Variants in RYR2 observed in about 807,000 individuals in gnomAD.
RYR2 encodes cardiac muscle ryanodine receptor-calcium release channel.
A neutral mutation model predicts 601.1 loss-of-function variants in RYR2; 227 were observed. That is an observed-to-expected ratio of 0.38 (90% CI 0.34 to 0.42). RYR2 has a LOEUF of 0.42. RYR2 is among the 10% of genes least tolerant of loss of function. The probability of loss-of-function intolerance (pLI) is 1.00; values close to 1 mark genes in which losing one functional copy is unlikely to be tolerated. For missense variants in RYR2, 4,646 were observed against 6,156.5 expected, an observed-to-expected ratio of 0.75 and a Z score of 8.21; for synonymous variants, 2,223 against 2,175.1, an observed-to-expected ratio of 1.02 and a Z score of -0.61.
chr1:237,061,994 A>G (rs1662953410), intron 1 of RYR2, among the ~76,000 whole-genome samples: 2 of 152,180 alleles, frequency 1.3e-5, no homozygotes, highest in Admixed American at 1.3e-4. Context: ...TTAAAAGGCT[A>G]CCTTTTCATC....
At chr1:237,445,580 ATATGCAAATAGACAATTTAAAAG>A in intron 14 of RYR2, 58 bp downstream of exon 14, 1 of 1,593,050 alleles carries the variant, frequency 6.3e-7, no homozygotes. Context: ...TCTTTATTGG[ATATGCAAATAGACAATTTAAAAG>A]TATGCTATGA....
At chr1:237,211,548 A>G (rs954893230) in intron 1 of RYR2, among the ~76,000 whole-genome samples, 7 of 152,270 alleles carry the variant, frequency 4.6e-5, no homozygotes, top group South Asian at 2.1e-4. Flanking sequence ...CTTTTCCTCT[A>G]TTTAGTCTAG....
chr1:237,129,516 G>C (rs1486970556), intron 1 of RYR2, among the ~76,000 whole-genome samples: 4 of 152,068 alleles, frequency 2.6e-5, no homozygotes, highest in Non-Finnish European at 5.9e-5. Flanking sequence ...AGTTCTAGAA[G>C]CAATTTTGAC....
chr1:237,696,290 A>C (rs1687424654), intron 63 of RYR2, among the ~76,000 whole-genome samples: 1 of 152,166 alleles, frequency 6.6e-6, no homozygotes, highest in Admixed American at 6.5e-5. Flanking sequence ...GGGGCTGATT[A>C]ATAGTGGCAT....
chr1:237,598,752 T>A (rs573640515), intron 34 of RYR2, among the ~76,000 whole-genome samples: 2 of 152,014 alleles, frequency 1.3e-5, no homozygotes, highest in South Asian at 4.1e-4. Context: ...AAACCACAAA[T>A]ACAAGAACAA....
chr1:237,594,821 A>G (rs1194511046), intron 33 of RYR2, among the ~76,000 whole-genome samples: 4 of 147,402 alleles, frequency 2.7e-5, no homozygotes, highest in African/African-American at 7.7e-5. Flanking sequence ...TAACTTTGTT[A>G]CCATCTCTAG....
At chr1:237,200,754 C>G (rs1380955588) in intron 1 of RYR2, among the ~76,000 whole-genome samples, 1 of 152,170 alleles carries the variant, frequency 6.6e-6, no homozygotes, top group South Asian at 2.1e-4. Flanking sequence ...CCACAGAAAA[C>G]AGCATAGTAC....
chr1:237,568,714 T>C (rs998009671), intron 28 of RYR2, among the ~76,000 whole-genome samples: 2 of 152,210 alleles, frequency 1.3e-5, no homozygotes, highest in African/African-American at 4.8e-5. Flanking sequence ...TCATTTTCAA[T>C]GACAGATGCC....
intron 1 of RYR2, among the ~76,000 whole-genome samples, chr1:237,072,808 C>T (rs752634079): frequency 3.3e-5 from 5 of 151,922 alleles, no homozygotes; most frequent in Admixed American, 1.3e-4. Context: ...ATTACCCAGG[C>T]GTGGTGGCAG....
intron 1 of RYR2, among the ~76,000 whole-genome samples, chr1:237,259,723 G>C (rs903228929): frequency 6.6e-6 from 1 of 152,054 alleles, no homozygotes; most frequent in Non-Finnish European, 1.5e-5. Flanking sequence ...GGGGGAATTC[G>C]TTCTCTTCTT....
At chr1:237,212,790 T>TTAC (rs1682734843) in intron 1 of RYR2, among the ~76,000 whole-genome samples, 1 of 152,156 alleles carries the variant, frequency 6.6e-6, no homozygotes, top group South Asian at 2.1e-4. Context: ...ATTATTATTA[T>TTAC]TTGAGACGAA....
chr1:237,679,936 G>A (rs750597014), intron 61 of RYR2, among the ~76,000 whole-genome samples: 8 of 152,172 alleles, frequency 5.3e-5, no homozygotes, highest in South Asian at 2.1e-4. Flanking sequence ...TGAAACATGC[G>A]TAGAAATGGA....
intron 66 of RYR2, among the ~76,000 whole-genome samples, chr1:237,704,246 G>A (rs1337519297): frequency 6.6e-6 from 1 of 152,166 alleles, no homozygotes; most frequent in East Asian, 1.9e-4. Context: ...AGAATGTCTA[G>A]AATGATCATC....
chr1:237,414,981 G>A (rs1474688312), intron 10 of RYR2, among the ~76,000 whole-genome samples: 1 of 85,328 alleles, frequency 1.2e-5, no homozygotes, highest in African/African-American at 3.8e-5. Flanking sequence ...AGGGACATCT[G>A]ACAATGTTGG....
At chr1:237,715,782 G>A (rs1375615719) in intron 71 of RYR2, among the ~76,000 whole-genome samples, 2 of 152,090 alleles carry the variant, frequency 1.3e-5, no homozygotes, top group Non-Finnish European at 2.9e-5. Flanking sequence ...TACCGGTATT[G>A]GATAGAAGTA....
intron 12 of RYR2, among the ~76,000 whole-genome samples, chr1:237,426,016 T>G (rs1169728699): frequency 6.6e-6 from 1 of 151,828 alleles, no homozygotes; most frequent in Non-Finnish European, 1.5e-5. Context: ...TCATTACCCT[T>G]TATTGTACAT....
rs1694325034 is a variant in RYR2, at chr1:237,772,185, T to C, written c.11646+85T>C. 6 of 741,570 alleles carry C rather than the reference T, an allele frequency of 8.1e-6. 1 individual carries two copies. In the South Asian group the frequency reaches 8.8e-5, roughly 11 times the overall value. 45.9% of individuals were successfully genotyped at this position (741,570 alleles called of 1,614,324 possible). On this transcript the variant is annotated intron_variant, in intron 86 of 104. Transcript: ENST00000366574. ...CAGAGTTTTAATGTGTTTTGGTTTATAACTAGAAAGGAGTTTTTGAGATAG... is the reference window on the plus strand; with the variant it reads ...CAGAGTTTTAATGTGTTTTGGTTTACAACTAGAAAGGAGTTTTTGAGATAG...
chr1:237,254,009 T>G (rs1378663718), intron 1 of RYR2, among the ~76,000 whole-genome samples: 1 of 152,224 alleles, frequency 6.6e-6, no homozygotes, highest in African/African-American at 2.4e-5. Flanking sequence ...TAGATAAATG[T>G]TATGTCCATA....
intron 1 of RYR2, among the ~76,000 whole-genome samples, chr1:237,150,448 T>G (rs1034883080): frequency 6.6e-6 from 1 of 152,196 alleles, no homozygotes; most frequent in Non-Finnish European, 1.5e-5. Context: ...GAATCTTTTC[T>G]GTTTTTGTAT....
Sources: gnomAD v4.1 joint callset for allele counts (sites outside exome capture counted in the v4.1 genomes callset) on GRCh38, gnomAD v4.1.1 for gene constraint, MANE v1.5 for transcripts, NCBI Gene and HGNC (gene_info 2026-07-23, HGNC 2026-07-21) for gene names.